AKT3: variants seen among roughly 807,000 people sequenced by gnomAD.
The protein encoded by AKT3 is AKT serine/threonine kinase 3.
In AKT3, 15 loss-of-function variants were observed where a neutral mutation model predicts 65.3. That is an observed-to-expected ratio of 0.23 (90% CI 0.15 to 0.35). The LOEUF (loss-of-function observed/expected upper bound fraction) is 0.35, where lower values mean the gene tolerates loss of function less well. Among genes scored for constraint, AKT3 ranks in the 10% least tolerant of loss-of-function variants. AKT3 has a pLI of 1.00. For missense variants in AKT3, 243 were observed against 576.5 expected, an observed-to-expected ratio of 0.42 and a Z score of 5.92; for synonymous variants, 206 against 183.8, an observed-to-expected ratio of 1.12 and a Z score of -0.98.
intron 2 of AKT3, chr1:243,794,300 T>C (rs1182645195): frequency 3.3e-5 from 5 of 152,250 alleles, no homozygotes; most frequent in African/African-American, 1.2e-4. Flanking sequence ...CCTCCCAAAG[T>C]GCTGGGATTA....
chr1:243,526,804 A>AAAAAAAAT, intron 12 of AKT3, among the ~76,000 whole-genome samples: 1 of 145,088 alleles, frequency 6.9e-6, no homozygotes, highest in African/African-American at 2.7e-5. Flanking sequence ...AAAAAAAAAA[A>AAAAAAAAT]AAAAAAAAAA....
At chr1:243,624,797 C>A (rs1679025558) in intron 6 of AKT3, 1 of 207,154 alleles carries the variant, frequency 4.8e-6, no homozygotes. Context: ...TTGTCTCTGT[C>A]CAGACTAACA....
chr1:243,642,279 T>C (rs1345474237), intron 5 of AKT3, among the ~76,000 whole-genome samples: 1 of 152,236 alleles, frequency 6.6e-6, no homozygotes, highest in East Asian at 1.9e-4. Flanking sequence ...TGGATGATGT[T>C]ATGGAAAAAG....
chr1:243,729,814 C>G (rs181207809), intron 2 of AKT3, among the ~76,000 whole-genome samples: 3 of 152,212 alleles, frequency 2.0e-5, no homozygotes, highest in Admixed American at 2.0e-4. Flanking sequence ...TTACAGTGTT[C>G]TTCTTTATGT....
chr1:243,643,227 G>A (rs1306158993), intron 5 of AKT3, among the ~76,000 whole-genome samples: 1 of 152,132 alleles, frequency 6.6e-6, no homozygotes, highest in African/African-American at 2.4e-5. Context: ...AGTTACTACA[G>A]CCAGGAATTA....
At chr1:243,829,949 C>T (rs1364731788) in intron 2 of AKT3, among the ~76,000 whole-genome samples, 1 of 152,182 alleles carries the variant, frequency 6.6e-6, no homozygotes, top group Admixed American at 6.5e-5. Flanking sequence ...CTGCACCGAT[C>T]ACATCTGCAG....
At chr1:243,679,301 C>T (rs1184684121) in intron 3 of AKT3, among the ~76,000 whole-genome samples, 1 of 152,110 alleles carries the variant, frequency 6.6e-6, no homozygotes, top group Non-Finnish European at 1.5e-5. Flanking sequence ...AGGGTTGAAG[C>T]CCCTAAACTT....
At chr1:243,809,212 C>T (rs1692958488) in intron 2 of AKT3, among the ~76,000 whole-genome samples, 2 of 152,132 alleles carry the variant, frequency 1.3e-5, no homozygotes, top group South Asian at 4.1e-4. Flanking sequence ...GGGCTAAATG[C>T]TCCAATTAAA....
chr1:243,821,035 G>C (rs1378459539), intron 2 of AKT3, among the ~76,000 whole-genome samples: 1 of 152,134 alleles, frequency 6.6e-6, no homozygotes, highest in Non-Finnish European at 1.5e-5. Flanking sequence ...CAGCCAGAGA[G>C]AAAGGCCAGG....
intron 3 of AKT3, 82 bp downstream of exon 3, chr1:243,695,509 C>T: frequency 7.6e-7 from 1 of 1,311,150 alleles, no homozygotes; most frequent in East Asian, 2.6e-5. Context: ...TCACAGGTTT[C>T]TCATATAGCC....
chr1:243,737,676 T>C (rs1687922912), intron 2 of AKT3, among the ~76,000 whole-genome samples: 1 of 152,178 alleles, frequency 6.6e-6, no homozygotes, highest in African/African-American at 2.4e-5. Flanking sequence ...TTTCAGTAGC[T>C]TTCCTCTTGA....
At chr1:243,699,699 G>T (rs73128249) in intron 2 of AKT3, among the ~76,000 whole-genome samples, 6,542 of 151,556 alleles carry the variant, frequency 0.043, 497 homozygotes, top group African/African-American at 0.15. Flanking sequence ...CCAGGAACCT[G>T]TGAATATTAC....
intron 13 of AKT3, chr1:243,488,992 T>C (rs1264994745): frequency 6.2e-7 from 1 of 1,613,244 alleles, no homozygotes; most frequent in Admixed American, 1.7e-5. Context: ...CCTCTTTAAT[T>C]CTGCGGTGGA....
chr1:243,654,833 G>A (rs1681639913), intron 4 of AKT3, among the ~76,000 whole-genome samples: 1 of 152,012 alleles, frequency 6.6e-6, no homozygotes, highest in East Asian at 1.9e-4. Context: ...TGCTCTGAAA[G>A]CAAACATTTT....
chr1:243,802,656 T>G (rs1256133188), intron 2 of AKT3, among the ~76,000 whole-genome samples: 1 of 152,190 alleles, frequency 6.6e-6, no homozygotes, highest in Non-Finnish European at 1.5e-5. Flanking sequence ...CTCTATTAAA[T>G]AGTAGAAATT....
At chr1:243,803,895 T>A (rs1692547445) in intron 2 of AKT3, among the ~76,000 whole-genome samples, 1 of 152,150 alleles carries the variant, frequency 6.6e-6, no homozygotes, top group African/African-American at 2.4e-5. Flanking sequence ...CCTCTGAAAT[T>A]TACCATATAA....
chr1:243,681,595 A>G (rs1164794310), intron 3 of AKT3, among the ~76,000 whole-genome samples: 1 of 152,172 alleles, frequency 6.6e-6, no homozygotes, highest in African/African-American at 2.4e-5. Flanking sequence ...CCTGACAACA[A>G]TGAGAGTCCA....
Position 243,801,836 on chromosome 1 carries a change from T to C in AKT3, c.46+41289A>G, listed in dbSNP as rs1340167389. On this transcript the variant is annotated intron_variant, in intron 2 of 13. Transcript: ENST00000673466. Reference sequence around the variant, plus strand: ...CATTTAGTCAACAGCAAATATCCAATGGAAAATCTAATGCAATTTTTATAT... The same window carrying C: ...CATTTAGTCAACAGCAAATATCCAACGGAAAATCTAATGCAATTTTTATAT... Among the ~76,000 whole-genome samples, 2 of 152,156 alleles carry C rather than the reference T, an allele frequency of 1.3e-5. 1 individual carries two copies. The highest frequency in any genetic ancestry group is 1.3e-4 in the Admixed American group (2 of 15,276).
intron 6 of AKT3, among the ~76,000 whole-genome samples, chr1:243,628,162 T>C (rs1294360399): frequency 6.6e-6 from 1 of 152,176 alleles, no homozygotes; most frequent in Non-Finnish European, 1.5e-5. Context: ...GGACATAACA[T>C]AATCCTAAAA....
Sources: gnomAD v4.1 joint callset for allele counts (sites outside exome capture counted in the v4.1 genomes callset) on GRCh38, gnomAD v4.1.1 for gene constraint, MANE v1.5 for transcripts, NCBI Gene and HGNC (gene_info 2026-07-23, HGNC 2026-07-21) for gene names.